CDH13: variants seen among roughly 807,000 people sequenced by gnomAD.
The protein encoded by CDH13 is cadherin-13.
In CDH13, 24 loss-of-function variants were observed where a neutral mutation model predicts 63.8. That is an observed-to-expected ratio of 0.38 (90% CI 0.27 to 0.53). The LOEUF is 0.53. Among genes scored for constraint, CDH13 ranks in the 20% least tolerant of loss-of-function variants. The pLI is 0.85. For missense variants in CDH13, 1,049 were observed against 903.1 expected (o/e 1.16, Z -2.07); for synonymous variants, 503 against 355.3 (o/e 1.42, Z -4.67).
intron 2 of CDH13, among the ~76,000 whole-genome samples, chr16:82,864,246 A>G (rs969068278): frequency 1.3e-5 from 2 of 152,180 alleles, no homozygotes; most frequent in Non-Finnish European, 2.9e-5. Context: ...AGACATTTTC[A>G]TGAAGGGACT....
intron 2 of CDH13, among the ~76,000 whole-genome samples, chr16:82,990,823 G>A (rs1315373491): frequency 6.6e-6 from 1 of 152,144 alleles, no homozygotes; most frequent in Non-Finnish European, 1.5e-5. Context: ...TTACAGGTGT[G>A]AGCCACTGTG....
chr16:83,424,609 C>G (rs575610609), intron 6 of CDH13, among the ~76,000 whole-genome samples: 1 of 152,098 alleles, frequency 6.6e-6, no homozygotes, highest in Non-Finnish European at 1.5e-5. Context: ...GGAAGGGTCA[C>G]TAAGCCCCCT....
intron 4 of CDH13, among the ~76,000 whole-genome samples, chr16:83,213,589 T>C (rs1053362693): frequency 2.4e-4 from 37 of 152,194 alleles, no homozygotes; most frequent in African/African-American, 8.4e-4. Flanking sequence ...TTGGGAAGCA[T>C]GATTGCTTCA....
At chr16:82,827,997 C>T (rs1202193631) in intron 1 of CDH13, among the ~76,000 whole-genome samples, 1 of 152,134 alleles carries the variant, frequency 6.6e-6, no homozygotes, top group African/African-American at 2.4e-5. Flanking sequence ...CAGAGAGTCT[C>T]ACACTCCGGG....
chr16:83,446,166 G>C (rs556077058), intron 6 of CDH13, among the ~76,000 whole-genome samples: 14 of 152,050 alleles, frequency 9.2e-5, no homozygotes, highest in African/African-American at 3.4e-4. Flanking sequence ...TTCTAGGCAT[G>C]GTGGCATGTG....
chr16:83,100,209 A>G (rs1473230589), intron 3 of CDH13, among the ~76,000 whole-genome samples: 2 of 152,186 alleles, frequency 1.3e-5, no homozygotes, highest in South Asian at 2.1e-4. Flanking sequence ...TCCCTGCCTC[A>G]TGGATCTTAT....
At chr16:83,103,184 C>G (rs1206913640) in intron 3 of CDH13, among the ~76,000 whole-genome samples, 1 of 148,372 alleles carries the variant, frequency 6.7e-6, no homozygotes, top group Non-Finnish European at 1.5e-5. Flanking sequence ...AACTCCTGAT[C>G]TCAAGTGATC....
At chr16:83,481,867 C>G (rs1313037614) in intron 6 of CDH13, among the ~76,000 whole-genome samples, 1 of 152,166 alleles carries the variant, frequency 6.6e-6, no homozygotes, top group Non-Finnish European at 1.5e-5. Flanking sequence ...AAACACAAGA[C>G]AAGCCCGGAT....
chr16:82,679,526 C>A (rs546936326), intron 1 of CDH13, among the ~76,000 whole-genome samples: 1 of 152,276 alleles, frequency 6.6e-6, no homozygotes, highest in South Asian at 2.1e-4. Context: ...ATGGTGGAAA[C>A]CGAGGCAGAA....
intron 2 of CDH13, among the ~76,000 whole-genome samples, chr16:82,959,031 C>T (rs192689133): frequency 3.9e-5 from 6 of 152,298 alleles, no homozygotes; most frequent in South Asian, 2.1e-4. Context: ...AGTATTTTGG[C>T]GAGGAGCAAG....
At chr16:83,780,717 A>G (rs921632010) in intron 12 of CDH13, among the ~76,000 whole-genome samples, 1 of 151,938 alleles carries the variant, frequency 6.6e-6, no homozygotes, top group Non-Finnish European at 1.5e-5. Flanking sequence ...TTTTTCTTTT[A>G]ATTAAACTCC....
intron 7 of CDH13, among the ~76,000 whole-genome samples, chr16:83,538,042 C>G (rs1236080874): frequency 1.3e-5 from 2 of 152,126 alleles, no homozygotes; most frequent in Admixed American, 6.5e-5. Flanking sequence ...CTTTGCTTGT[C>G]ATTAAGATGT....
At chr16:82,729,430 C>T (rs550528708) in intron 1 of CDH13, among the ~76,000 whole-genome samples, 2 of 152,140 alleles carry the variant, frequency 1.3e-5, no homozygotes, top group South Asian at 4.2e-4. Context: ...TCGTACATCT[C>T]TATTAGAGCT....
intron 6 of CDH13, among the ~76,000 whole-genome samples, chr16:83,400,905 T>C (rs7186558): frequency 0.69 from 104,884 of 151,864 alleles, 36,382 homozygotes; most frequent in East Asian, 0.81. Flanking sequence ...CTACTAATGA[T>C]AGAAATTGCT....
chr16:83,072,743 C>A (rs75576962), intron 3 of CDH13, among the ~76,000 whole-genome samples: 1 of 152,042 alleles, frequency 6.6e-6, no homozygotes, highest in Non-Finnish European at 1.5e-5. Flanking sequence ...TTTTGGACCT[C>A]CCTAAAATTC....
chr16:82,720,110 A>T (rs193279164), intron 1 of CDH13, among the ~76,000 whole-genome samples: 31 of 152,332 alleles, frequency 2.0e-4, no homozygotes, highest in African/African-American at 7.2e-4. Flanking sequence ...TTTAAGAAAG[A>T]TGAATAAAAA....
chr16:82,789,761 T>C (rs2036197891), intron 1 of CDH13, among the ~76,000 whole-genome samples: 1 of 152,216 alleles, frequency 6.6e-6, no homozygotes, highest in African/African-American at 2.4e-5. Context: ...TTCTTCTTGC[T>C]CCAAGAGTTC....
chr16:83,194,860 G>T (rs930491047), intron 4 of CDH13, among the ~76,000 whole-genome samples: 1 of 152,126 alleles, frequency 6.6e-6, no homozygotes, highest in African/African-American at 2.4e-5. Flanking sequence ...AGGCAAGGTG[G>T]CTTCATTATG....
intron 1 of CDH13, among the ~76,000 whole-genome samples, chr16:82,719,774 A>G (rs943768174): frequency 7.0e-6 from 1 of 142,562 alleles, no homozygotes; most frequent in Non-Finnish European, 1.5e-5. Flanking sequence ...TAAACCTGGG[A>G]GGCAGAGGTT....
Sources: allele counts gnomAD v4.1 joint callset (sites outside exome capture counted in the v4.1 genomes callset), GRCh38; gene constraint gnomAD v4.1.1; transcripts MANE v1.5; gene names NCBI Gene and HGNC (gene_info 2026-07-23, HGNC 2026-07-21).